Variants in ZNF773 observed in about 807,000 individuals in gnomAD.
The protein encoded by ZNF773 is zinc finger protein 419B.
A neutral mutation model predicts 12.8 loss-of-function variants in ZNF773; 11 were observed. The ratio of observed to expected loss-of-function variants is 0.86; its 90% confidence interval spans 0.54 to 1.42. The LOEUF is 1.42. Among genes scored for constraint, ZNF773 ranks in the 40% most tolerant of loss-of-function variants. ZNF773 has a pLI of 0.00. For missense variants in ZNF773, 518 were observed against 527.2 expected (o/e 0.98, Z 0.17); for synonymous variants, 175 against 178.4 (o/e 0.98, Z 0.15).
rs1422099489 is a variant in ZNF773 at position 57,506,466 on chromosome 19, C to A, written c.371C>A (p.Pro124His). The A allele has an allele frequency of 2.5e-6, 4 of 1,614,054 alleles. No homozygotes were observed. The highest frequency in any genetic ancestry group is 3.4e-6 in the Non-Finnish European group (4 of 1,180,042). ...CAGAAGCAGCACTGTGGAGAGAAAC[C>A]CTTAAAAAGACAAGAGGGCAGGGTC... is the stretch of plus-strand genomic sequence containing the variant. ...QHQKQHCGEK[P>H]LKRQEGRVPV... The change falls in exon 4 of 4, where the codon CCC becomes CAC. Residue 124 changes from proline to histidine, a missense_variant. Pro to His is a moderately conservative substitution (Grantham distance 77). Transcript: ENST00000282292.
downstream of ZNF773, chr19:57,512,961 G>A (rs779198489): frequency 2.7e-6 from 4 of 1,482,942 alleles, no homozygotes; most frequent in East Asian, 2.9e-5. Context: ...GGAGCCCTCT[G>A]ACCCCTTCTT....
chr19:57,503,727 G>A (rs1368092403), intron 1 of ZNF773, among the ~76,000 whole-genome samples: 1 of 151,006 alleles, frequency 6.6e-6, no homozygotes, highest in Non-Finnish European at 1.5e-5. Context: ...GCAAGATCTT[G>A]GCTCACGGCA....
At chr19:57,513,332 C>G (rs1456015705), downstream of ZNF773, 2 of 303,036 alleles carry the variant, frequency 6.6e-6, no homozygotes, top group Non-Finnish European at 1.2e-5. Flanking sequence ...TCACGCATAA[C>G]CCATGGTTTC....
At position 57,505,399 on chromosome 19, in the gene ZNF773, A is replaced by C; in HGVS notation, c.261A>C (p.Arg87Ser). The C allele has an allele frequency of 3.1e-6, 5 of 1,614,048 alleles. No individual in the cohort carries two copies. The highest frequency in any genetic ancestry group is 4.2e-6 in the Non-Finnish European group (5 of 1,180,002). Residue 87 changes from arginine to serine, a missense_variant and splice_region_variant, in exon 3 of 4, where the codon AGA becomes AGC. Physicochemically the swap from Arg to Ser is moderately radical, Grantham distance 110. Transcript: ENST00000282292. ...AAGTTGTGACTTCAGCCATACTGAGAGGTACTTGGTGGGTGGAGCTCAGGG... is the reference window on the plus strand; with the variant it reads ...AAGTTGTGACTTCAGCCATACTGAGCGGTACTTGGTGGGTGGAGCTCAGGG... ...AWEVVTSAIL[R>S]GSWQGAKAEA...
chr19:57,502,196 C>T (rs981949086), intron 1 of ZNF773, among the ~76,000 whole-genome samples: 2 of 152,202 alleles, frequency 1.3e-5, no homozygotes, highest in African/African-American at 4.8e-5. Context: ...CCCACCTCTG[C>T]CTCCCAAAGT....
chr19:57,504,442 T>A (rs2089704302), intron 1 of ZNF773, among the ~76,000 whole-genome samples: 1 of 152,134 alleles, frequency 6.6e-6, no homozygotes, highest in Admixed American at 6.5e-5. Context: ...GGACTCTGCA[T>A]ACCATGCCCA....
chr19:57,510,729 G>A (rs2089787872), downstream of ZNF773, among the ~76,000 whole-genome samples: 1 of 151,920 alleles, frequency 6.6e-6, no homozygotes, highest in Admixed American at 6.6e-5. Context: ...CTTGGCAACT[G>A]AAAAAATGTA....
downstream of ZNF773, chr19:57,515,338 T>C (rs1485547994): frequency 6.6e-6 from 1 of 152,222 alleles, no homozygotes; most frequent in Non-Finnish European, 1.5e-5. Context: ...CATTCCTGCA[T>C]CAAAACACCT....
downstream of ZNF773, chr19:57,514,012 G>C (rs750322281): frequency 6.6e-6 from 1 of 152,242 alleles, no homozygotes; most frequent in Non-Finnish European, 1.5e-5. Flanking sequence ...TTGCCCCAAG[G>C]CGTGCTTAAC....
chr19:57,505,468 T>C, intron 3 of ZNF773, 68 bp downstream of exon 3: 1 of 1,549,932 alleles, frequency 6.5e-7, no homozygotes. Flanking sequence ...CAGGAGTCTT[T>C]CCAGTGGGCC....
At chr19:57,514,727 G>C (rs1366084486), downstream of ZNF773, 1 of 152,194 alleles carries the variant, frequency 6.6e-6, no homozygotes, top group Non-Finnish European at 1.5e-5. Context: ...ATGTGATCCA[G>C]ACAAAATTAT....
chr19:57,500,492 G>A (rs1213246144), intron 1 of ZNF773, among the ~76,000 whole-genome samples: 13 of 144,564 alleles, frequency 9.0e-5, no homozygotes, highest in Admixed American at 2.1e-4. Flanking sequence ...AAACAGACTG[G>A]GGTGGGGGTG....
At chr19:57,513,372 T>G (rs568273691), downstream of ZNF773, 1 of 249,836 alleles carries the variant, frequency 4.0e-6, no homozygotes, top group African/African-American at 2.2e-5. Flanking sequence ...TGTGGAAAAC[T>G]GGGGTGAAGA....
chr19:57,508,468 A>G (rs2089771039), downstream of ZNF773: 1 of 683,634 alleles, frequency 1.5e-6, no homozygotes. Context: ...CTTGCCATAA[A>G]CCCTTATGTC....
Position 57,504,726 on chromosome 19 carries a change from G to A in ZNF773, c.103G>A (p.Ala35Thr), listed in dbSNP as rs760290010. ...GGAGGAATGGAGATTGCTTGATGAC[G>A]CTCAGAGGCTCCTCTACCGCAATGT... The part of the protein sequence containing the change: ...SQEEWRLLDD[A>T]QRLLYRNVML... The change falls in exon 2 of 4, where the codon GCT (alanine) becomes ACT (threonine). Residue 35 changes from alanine (A) to threonine (T), a missense_variant. Coordinates refer to ENST00000282292, the MANE Select transcript of ZNF773 (RefSeq NM_198542.3). 1.6e-5 allele frequency: 26 copies of A among 1,613,764 alleles called. No individual in the cohort carries two copies. The highest frequency in any genetic ancestry group is 1.7e-5 in the Non-Finnish European group (20 of 1,179,974).
At chr19:57,515,444 A>G (rs950765410), downstream of ZNF773, 2 of 152,158 alleles carry the variant, frequency 1.3e-5, no homozygotes, top group African/African-American at 4.8e-5. Context: ...CGTTGCACCC[A>G]TGGAAGGATG....
intron 1 of ZNF773, among the ~76,000 whole-genome samples, chr19:57,502,263 A>G (rs1221184252): frequency 6.6e-6 from 1 of 152,050 alleles, no homozygotes; most frequent in South Asian, 2.1e-4. Context: ...TTATATGGAG[A>G]GGTTCTCATT....
chr19:57,507,756 C>A lies in ZNF773; in HGVS notation c.*332C>A. The A allele has an allele frequency of 9.4e-7, 1 of 1,061,538 alleles. No homozygotes were observed. The highest frequency in any genetic ancestry group is 1.2e-6 in the Non-Finnish European group (1 of 866,736). The allele number at this position is 1,061,538 out of a possible 1,614,324, so 65.8% of individuals were successfully genotyped here. A position where few individuals can be genotyped will look rare whatever the true frequency, so the allele number is the denominator to read the frequency against. ...TTGGGAGGCTGAAGCGGGCGGATCA[C>A]AAGGTCAGGACATCGAAACCATCCT... On this transcript the variant is annotated 3_prime_UTR_variant, in exon 4 of 4. Transcript: ENST00000282292.
At chr19:57,516,205 C>T (rs1451610554), downstream of ZNF773, 1 of 155,948 alleles carries the variant, frequency 6.4e-6, no homozygotes, top group Non-Finnish European at 1.4e-5. Flanking sequence ...CAAGGACCGA[C>T]TGGAGTCACA....
Sources: allele counts gnomAD v4.1 joint callset (sites outside exome capture counted in the v4.1 genomes callset), GRCh38; gene constraint gnomAD v4.1.1; transcripts MANE v1.5; gene names NCBI Gene and HGNC (gene_info 2026-07-23, HGNC 2026-07-21).